Variants in HDAC7 observed in about 807,000 individuals in gnomAD.
HDAC7 encodes histone deacetylase 7.
In HDAC7, 26 loss-of-function variants were observed where a neutral mutation model predicts 115.5. The ratio of observed to expected loss-of-function variants is 0.23; its 90% CI spans 0.16 to 0.31. HDAC7 has a LOEUF of 0.31. HDAC7 is among the 10% of genes least tolerant of loss of function. HDAC7 has a pLI of 1.00. For missense variants in HDAC7, 1,068 were observed against 1,329.0 expected (o/e 0.80, Z 3.05); for synonymous variants, 564 against 550.9 (o/e 1.02, Z -0.33).
chr12:47,802,583 T>A (rs1472265013), intron 1 of HDAC7: 2 of 1,032,666 alleles, frequency 1.9e-6, no homozygotes, highest in African/African-American at 3.2e-5. Flanking sequence ...CAGCCCTCCC[T>A]CCTGTGGTCA....
rs1365394843 is a variant in HDAC7 at position 47,795,564 on chromosome 12, C to G, written c.1087+23G>C. The stretch of plus-strand genomic sequence containing the variant: ...GCAGGGTGCAGGGACCCAGCCCCTT[C>G]CCTGAAGAAGCAGCAGACTCACCAG... On this transcript the variant is annotated intron_variant, in intron 10 of 25. Coordinates refer to ENST00000080059, the MANE Select transcript of HDAC7 (RefSeq NM_015401.5). This position sits in a 1 kb window ranked among gnomAD's most constrained non-coding sequence, Gnocchi z 4.3. 1 of 1,551,592 alleles carries G rather than the reference C, an allele frequency of 6.4e-7. No homozygotes were observed. The highest frequency in any genetic ancestry group is 8.7e-7 in the Non-Finnish European group (1 of 1,148,346).
At chr12:47,804,296 G>A (rs529508490) in intron 1 of HDAC7, among the ~76,000 whole-genome samples, 2 of 152,288 alleles carry the variant, frequency 1.3e-5, no homozygotes, top group South Asian at 4.1e-4. Flanking sequence ...CTGGCCCCGT[G>A]CTGAGGGCCA....
rs767594864 is a variant in HDAC7, at chr12:47,794,864, C to T, written c.1354G>A (p.Gly452Ser). The change falls in exon 12 of 26, where the codon GGC becomes AGC. Residue 452 changes from glycine (G) to serine (S), a missense_variant. Coordinates refer to ENST00000080059, the MANE Select transcript of HDAC7 (RefSeq NM_015401.5). The stretch of plus-strand genomic sequence containing the variant: ...TCCACCACCTGGCCCGGTCCCCCGC[C>T]ATCTGTCTCCAGGTCTTCAGCCGAG... ...IPSAEDLETD[G>S]GGPGQVVDDG... 1.2e-6 allele frequency: 2 copies of T among 1,613,468 alleles called. No individual in the cohort carries two copies. Among genetic ancestry groups the T allele is most frequent in the Non-Finnish European group, 1.7e-6 (2 of 1,179,996 alleles).
At chr12:47,814,482 C>T (rs925666543) in intron 1 of HDAC7, among the ~76,000 whole-genome samples, 13 of 152,182 alleles carry the variant, frequency 8.5e-5, no homozygotes, top group Non-Finnish European at 1.0e-4. Context: ...AACAGGAGAG[C>T]TCCTGGGGAG....
chr12:47,785,564 C>T (rs1006476), intron 23 of HDAC7, 93 bp from the exon 24 acceptor site: 226,354 of 1,385,148 alleles, frequency 0.16, 20,574 homozygotes, highest in Non-Finnish European at 0.19. Context: ...TAGCCACAAG[C>T]ACACTCTACC....
At position 47,795,026 on chromosome 12, in the gene HDAC7, C is replaced by G; in HGVS notation, c.1285-93G>C. ...CTGGGCCAGGCAGCCAGTCATCTTG[C>G]TAGGACTCCAGCTGCCATGCAGCTC... On this transcript the variant is annotated intron_variant, in intron 11 of 25. Coordinates refer to ENST00000080059, the MANE Select transcript of HDAC7 (RefSeq NM_015401.5). This position sits in a 1 kb window ranked among gnomAD's most constrained non-coding sequence, Gnocchi z 4.3. 15 of 1,405,446 alleles carry G rather than the reference C, an allele frequency of 1.1e-5. No homozygotes were observed. The highest frequency in any genetic ancestry group is 1.4e-5 in the Non-Finnish European group (14 of 1,020,518). 87.1% of individuals were successfully genotyped at this position (1,405,446 alleles called of 1,614,324 possible). A position where few individuals can be genotyped will look rare whatever the true frequency, so the allele number is the denominator to read the frequency against.
rs1394832280 is a variant in HDAC7, at chr12:47,782,852, C to CGCTCACACACACGCCTCACTCACACACAT, written c.*960_*988dup. 8.5e-6 allele frequency: 1 copy of CGCTCACACACACGCCTCACTCACACACAT among 117,214 alleles called. No homozygotes were observed. The highest frequency in any genetic ancestry group is 2.6e-4 in the South Asian group (1 of 3,918). The allele number at this position is 117,214 out of a possible 1,614,324, so 7.3% of individuals were successfully genotyped here. A position where few individuals can be genotyped will look rare whatever the true frequency, so the allele number is the denominator to read the frequency against. On this transcript the variant is annotated 3_prime_UTR_variant, in exon 26 of 26. Transcript: ENST00000080059. ...CACACACACGCCTCACTCACACACA[C>CGCTCACACACACGCCTCACTCACACACAT]GCTCACACACACGCCTCACTCACAC...
chr12:47,797,976 G>A lies in HDAC7; in HGVS notation c.461+132C>T. 5 of 717,214 alleles carry A rather than the reference G, an allele frequency of 7.0e-6. No individual in the cohort carries two copies. In the South Asian group the frequency reaches 7.7e-5, roughly 11 times the overall value. 44.4% of individuals were successfully genotyped at this position (717,214 alleles called of 1,614,324 possible). ...TGAGAGAGGGGCTCGGGGGCATTAT[G>A]TTTAGAGGAAGGGTAAGGACTGGTT... On this transcript the variant is annotated intron_variant, in intron 5 of 25. Coordinates refer to ENST00000080059, the MANE Select transcript of HDAC7 (RefSeq NM_015401.5). This position sits in a 1 kb window ranked among gnomAD's most constrained non-coding sequence, Gnocchi z 5.5.
In HDAC7 at chr12:47,791,905, C is replaced by T. The variant is rs1469876091; in HGVS notation, c.1778G>A (p.Arg593Gln). 1.9e-6 allele frequency: 3 copies of T among 1,611,600 alleles called. No homozygotes were observed. Among genetic ancestry groups the T allele is most frequent in the Admixed American group, 1.7e-5 (1 of 59,932 alleles). ...GCTCCGGAGCCCCCGCTCCTGCAGC[C>T]GGGACCAGATGCTCTGGATGCGGCC... is the stretch of plus-strand genomic sequence containing the variant. ...HAGRIQSIWS[R>Q]LQERGLRSQC... The change falls in exon 14 of 26, where the codon CGG (arginine) becomes CAG (glutamine). Residue 593 changes from arginine (R) to glutamine (Q), a missense_variant. Arg to Gln is a conservative substitution (Grantham distance 43). Around this residue, in one of 6 missense-constraint regions of HDAC7, gnomAD observed 618 missense variants for 701.5 expected, o/e 0.88. Transcript: ENST00000080059.
intron 13 of HDAC7, chr12:47,792,508 G>C: frequency 2.6e-6 from 1 of 383,912 alleles, no homozygotes; most frequent in Non-Finnish European, 5.3e-6. Context: ...GACAAATCCA[G>C]CTTTGGAGAA....
chr12:47,809,014 C>T (rs910326576), intron 1 of HDAC7, among the ~76,000 whole-genome samples: 6 of 152,240 alleles, frequency 3.9e-5, no homozygotes, highest in Non-Finnish European at 7.3e-5. Context: ...CTATCTGTAA[C>T]ATGGGGATAA....
In HDAC7 at chr12:47,819,782, G is replaced by A; in HGVS notation, c.4C>T (p.His2Tyr). The change falls in exon 1 of 26, where the codon CAC becomes TAC. Residue 2 changes from histidine (H) to tyrosine (Y), a missense_variant. His to Tyr is a moderately conservative substitution (Grantham distance 83, BLOSUM62 2). Transcript: ENST00000080059. ...CAGTACTCACCAGCGCCGGGGCTGT[G>A]CATCCAGGGGCCGGGGCCCTCAGAG... MHSPGADGTQVS... is the reference protein window; with the variant it reads MYSPGADGTQVS... 2 of 715,848 alleles carry A rather than the reference G, an allele frequency of 2.8e-6. No homozygotes were observed. Among genetic ancestry groups the A allele is most frequent in the Non-Finnish European group, 1.7e-6 (1 of 574,518 alleles). The allele number at this position is 715,848 out of a possible 1,614,324, so 44.3% of individuals were successfully genotyped here.
chr12:47,802,641 G>T, intron 1 of HDAC7: 1 of 641,998 alleles, frequency 1.6e-6, no homozygotes. Flanking sequence ...TCGCCCGAGG[G>T]AAAGAAGAAG....
At chr12:47,811,975 C>T (rs189893963) in intron 1 of HDAC7, among the ~76,000 whole-genome samples, 2 of 152,376 alleles carry the variant, frequency 1.3e-5, no homozygotes. Context: ...ATACTCACTG[C>T]TGACATCACT....
At position 47,795,819 on chromosome 12, in the gene HDAC7, A is replaced by G; in HGVS notation, c.907-52T>C. 2.0e-6 allele frequency: 3 copies of G among 1,472,664 alleles called. No homozygotes were observed. The highest frequency in any genetic ancestry group is 2.7e-6 in the Non-Finnish European group (3 of 1,099,556). The allele number at this position is 1,472,664 out of a possible 1,614,324, so 91.2% of individuals were successfully genotyped here. On this transcript the variant is annotated intron_variant, in intron 9 of 25. Coordinates refer to ENST00000080059, the MANE Select transcript of HDAC7 (RefSeq NM_015401.5). The surrounding 1 kb of genome is among the most constrained non-coding windows in gnomAD (Gnocchi z 4.3). ...GGGAAGAAGATTCCAGCAGAGAACAATGAAGATGATGGGGTGAGGCAGCAA... is the reference window on the plus strand; with the variant it reads ...GGGAAGAAGATTCCAGCAGAGAACAGTGAAGATGATGGGGTGAGGCAGCAA...
Position 47,797,109 on chromosome 12 carries a change from G to A in HDAC7, c.611C>T (p.Pro204Leu). The change falls in exon 7 of 26, where the codon CCC becomes CTC. Residue 204 changes from proline to leucine, a missense_variant. Physicochemically the swap from Pro to Leu is moderately conservative, Grantham distance 98 (BLOSUM62 -3). This residue lies in a region of HDAC7 where 618 missense variants were observed against 701.5 expected (regional missense o/e 0.88). Coordinates refer to ENST00000080059, the MANE Select transcript of HDAC7 (RefSeq NM_015401.5). This position sits in a 1 kb window ranked among gnomAD's most constrained non-coding sequence, Gnocchi z 5.5. ...SEPNLKLRYK[P>L]KKSLERRKNP... ...CTTCCTCCGCTCCAGGGACTTCTTG[G>A]GCTTATAGCGCAGCTTCAGGTTGGG... is the stretch of plus-strand genomic sequence containing the variant. 1.2e-6 allele frequency: 2 copies of A among 1,607,080 alleles called. No homozygotes were observed. Among genetic ancestry groups the A allele is most frequent in the East Asian group, 2.2e-5 (1 of 44,740 alleles).
At chr12:47,802,651 G>A in intron 1 of HDAC7, 1 of 626,916 alleles carries the variant, frequency 1.6e-6, no homozygotes. Context: ...GAAAGAAGAA[G>A]GCCAAGAGGT....
chr12:47,787,510 C>T (rs116973148), intron 21 of HDAC7, among the ~76,000 whole-genome samples: 2,868 of 152,326 alleles, frequency 0.019, 52 homozygotes, highest in Non-Finnish European at 0.027. Flanking sequence ...CATTGGCTCT[C>T]GGTAATGTAT....
intron 1 of HDAC7, 78 bp from the exon 2 acceptor site, chr12:47,802,352 A>G: frequency 2.0e-6 from 3 of 1,538,150 alleles, no homozygotes; most frequent in Non-Finnish European, 2.7e-6. Context: ...AGGTCAAGCC[A>G]GGCCTGCTCC....
Sources: allele counts gnomAD v4.1 joint callset (sites outside exome capture counted in the v4.1 genomes callset), GRCh38; gene constraint gnomAD v4.1.1; regional missense constraint gnomAD v4.1.1; non-coding constraint Gnocchi (gnomAD v3.1); transcripts MANE v1.5; gene names NCBI Gene and HGNC (gene_info 2026-07-23, HGNC 2026-07-21).